DSCAML1: variants seen among roughly 807,000 people sequenced by gnomAD.
The protein encoded by DSCAML1 is DS cell adhesion molecule like 1.
DSCAML1 carries 38 observed loss-of-function variants against 200.5 expected under a neutral mutation model. The observed-to-expected ratio is 0.19, with a 90% CI of 0.15 to 0.25. DSCAML1 has a LOEUF of 0.25. DSCAML1 is among the 10% of genes least tolerant of loss of function. The pLI, the probability that DSCAML1 is intolerant of heterozygous loss-of-function variation, is 1.00. For missense variants in DSCAML1, 2,223 were observed against 2,858.8 expected (o/e 0.78, Z 5.07); for synonymous variants, 1,215 against 1,165.0 (o/e 1.04, Z -0.87).
rs1429893651 is a variant in DSCAML1, at chr11:117,472,051, C to G, written c.2786-15G>C. On this transcript the variant is annotated splice_polypyrimidine_tract_variant and intron_variant, in intron 14 of 32. Coordinates refer to ENST00000651296, the MANE Select transcript of DSCAML1 (RefSeq NM_020693.4). Reference sequence around the variant, plus strand: ...GTCCCAGGAATCTGGAGAGAAGACACCTATGTCAAAGCATGGCCAGGCAAA... The same window carrying G: ...GTCCCAGGAATCTGGAGAGAAGACAGCTATGTCAAAGCATGGCCAGGCAAA... The G allele has an allele frequency of 4.3e-6, 7 of 1,611,688 alleles. No individual in the cohort carries two copies. The highest frequency in any genetic ancestry group is 5.1e-6 in the Non-Finnish European group (6 of 1,178,266).
At chr11:117,441,503 G>A (rs2048047539) in intron 21 of DSCAML1, among the ~76,000 whole-genome samples, 1 of 150,584 alleles carries the variant, frequency 6.6e-6, no homozygotes, top group Admixed American at 6.6e-5. Flanking sequence ...GGAGGACTGG[G>A]TCAGCAGCAT....
chr11:117,555,220 A>C (rs2050539859), intron 3 of DSCAML1, among the ~76,000 whole-genome samples: 1 of 152,042 alleles, frequency 6.6e-6, no homozygotes, highest in Non-Finnish European at 1.5e-5. Context: ...CACCTTTCTT[A>C]AGATTGGGTA....
intron 3 of DSCAML1, among the ~76,000 whole-genome samples, chr11:117,603,221 C>G (rs777091414): frequency 1.2e-4 from 19 of 152,346 alleles, no homozygotes; most frequent in Non-Finnish European, 2.2e-4. Context: ...TCTGCCGGTT[C>G]CTGGCCTCGA....
At chr11:117,448,815 C>T (rs900679147) in intron 20 of DSCAML1, among the ~76,000 whole-genome samples, 1 of 152,240 alleles carries the variant, frequency 6.6e-6, no homozygotes, top group Middle Eastern at 3.4e-3. Flanking sequence ...TCTCAGTGAA[C>T]ACCTGCAAAC....
chr11:117,553,940 G>C (rs774684456), intron 3 of DSCAML1, among the ~76,000 whole-genome samples: 1 of 152,208 alleles, frequency 6.6e-6, no homozygotes, highest in Non-Finnish European at 1.5e-5. Flanking sequence ...ATAGAACATT[G>C]CATACACATA....
At chr11:117,458,958 C>T (rs757129486) in intron 18 of DSCAML1, 49 bp from the exon 19 acceptor site, 14 of 1,590,326 alleles carry the variant, frequency 8.8e-6, no homozygotes, top group South Asian at 1.2e-5. Flanking sequence ...CGGGCTGTGG[C>T]CCCTGCTGCT....
At chr11:117,789,673 G>A (rs1591513396) in intron 1 of DSCAML1, among the ~76,000 whole-genome samples, 1 of 152,190 alleles carries the variant, frequency 6.6e-6, no homozygotes, top group African/African-American at 2.4e-5. Context: ...CAGAGCAGGG[G>A]CCTCAGATGG....
chr11:117,773,006 ACT>A (rs1469986742), intron 3 of DSCAML1, among the ~76,000 whole-genome samples: 1 of 151,688 alleles, frequency 6.6e-6, no homozygotes, highest in Middle Eastern at 3.2e-3. Flanking sequence ...GTTTCTCCAG[ACT>A]CTCCCTGCCC....
intron 3 of DSCAML1, among the ~76,000 whole-genome samples, chr11:117,657,128 C>T (rs779951988): frequency 6.6e-6 from 1 of 152,212 alleles, no homozygotes; most frequent in Non-Finnish European, 1.5e-5. Flanking sequence ...GCAGCTAGTC[C>T]TGGAAGGTGA....
intron 3 of DSCAML1, among the ~76,000 whole-genome samples, chr11:117,697,811 G>A (rs182720317): frequency 9.6e-4 from 141 of 147,226 alleles, no homozygotes; most frequent in African/African-American, 3.5e-3. Context: ...TCGCTCTGTC[G>A]CCGAGGCTGG....
At chr11:117,575,272 G>T (rs1591283015) in intron 3 of DSCAML1, among the ~76,000 whole-genome samples, 1 of 152,186 alleles carries the variant, frequency 6.6e-6, no homozygotes, top group African/African-American at 2.4e-5. Flanking sequence ...GGGCTCTGTT[G>T]GTAGAAACCA....
chr11:117,736,418 C>T (rs1256369314), intron 3 of DSCAML1, among the ~76,000 whole-genome samples: 1 of 152,208 alleles, frequency 6.6e-6, no homozygotes, highest in East Asian at 1.9e-4. Context: ...AGCCATAGTC[C>T]TTTACAACCA....
intron 8 of DSCAML1, among the ~76,000 whole-genome samples, chr11:117,506,065 T>C (rs2049490900): frequency 6.6e-6 from 1 of 152,226 alleles, no homozygotes; most frequent in African/African-American, 2.4e-5. Flanking sequence ...TCGGCACCCC[T>C]GTACCCACCT....
rs1555032678 is a variant in DSCAML1, at chr11:117,780,231, G to GAAAAAGAAAGAAA, written c.364+261_364+262insTTTCTTTCTTTTT. Among the ~76,000 whole-genome samples the GAAAAAGAAAGAAA allele has an allele frequency of 3.1e-3, 186 of 60,684 alleles. 6 individuals are homozygous for GAAAAAGAAAGAAA. Among genetic ancestry groups the GAAAAAGAAAGAAA allele is most frequent in the South Asian group, 4.2e-3 (7 of 1,668 alleles). 39.8% of individuals were successfully genotyped at this position (60,684 alleles called of 152,430 possible). On this transcript the variant is annotated intron_variant, in intron 2 of 32. Coordinates refer to ENST00000651296, the MANE Select transcript of DSCAML1 (RefSeq NM_020693.4). This position sits in a 1 kb window ranked among gnomAD's most constrained non-coding sequence, Gnocchi z 4.8. Reference sequence around the variant, plus strand: ...AAAGAGAGAGAGAGAAAGAAAGAAAGGAAAGAAAGAAAGAAAGAAAGAAAG... The same window carrying GAAAAAGAAAGAAA: ...AAAGAGAGAGAGAGAAAGAAAGAAAGAAAAAGAAAGAAAGAAAGAAAGAAAGAAAGAAAGAAAG...
chr11:117,586,579 T>G (rs376717709), intron 3 of DSCAML1, among the ~76,000 whole-genome samples: 1 of 152,104 alleles, frequency 6.6e-6, no homozygotes, highest in African/African-American at 2.4e-5. Flanking sequence ...CCTGTTCGAC[T>G]CGGCTGGCAG....
chr11:117,576,960 G>A (rs185778034), intron 3 of DSCAML1, among the ~76,000 whole-genome samples: 24 of 152,254 alleles, frequency 1.6e-4, no homozygotes, highest in African/African-American at 5.5e-4. Context: ...CACATGACTT[G>A]GGCTTACTTT....
chr11:117,566,572 T>C (rs2050761655), intron 3 of DSCAML1, among the ~76,000 whole-genome samples: 1 of 151,652 alleles, frequency 6.6e-6, no homozygotes, highest in African/African-American at 2.4e-5. Flanking sequence ...TTGTTTGTTT[T>C]ATTTATTTAT....
At chr11:117,816,798 T>TGGGGA (rs1555038448) in intron 1 of DSCAML1, among the ~76,000 whole-genome samples, 1 of 100,310 alleles carries the variant, frequency 1.0e-5, no homozygotes, top group South Asian at 3.8e-4. Context: ...TCGGAATTGC[T>TGGGGA]GGGGGGGTGG....
chr11:117,557,144 T>TTAGTC (rs2050573438), intron 3 of DSCAML1, among the ~76,000 whole-genome samples: 2 of 152,262 alleles, frequency 1.3e-5, no homozygotes, highest in African/African-American at 4.8e-5. Flanking sequence ...ATGCCCGTAG[T>TTAGTC]TAGTCTATGA....
Sources: allele counts gnomAD v4.1 joint callset (sites outside exome capture counted in the v4.1 genomes callset), GRCh38; gene constraint gnomAD v4.1.1; non-coding constraint Gnocchi (gnomAD v3.1); transcripts MANE v1.5; gene names NCBI Gene and HGNC (gene_info 2026-07-23, HGNC 2026-07-21).